The following PDSS2 variants were observed in gnomAD, a reference collection of about 807,000 sequenced individuals.
PDSS2 encodes the protein decaprenyl diphosphate synthase subunit 2.
PDSS2 carries 31 observed loss-of-function variants against 44.5 expected under a neutral mutation model. The observed-to-expected ratio is 0.70, with a 90% CI of 0.52 to 0.94. The LOEUF is 0.94. Ranked by LOEUF, PDSS2 falls within the 40% of genes least tolerant of loss-of-function variation. The probability of loss-of-function intolerance (pLI) is 0.00; values close to 1 mark genes in which losing one functional copy is unlikely to be tolerated. For synonymous variants in PDSS2, 157 were observed against 180.3 expected (o/e 0.87, Z 1.03); for missense variants, 452 against 482.2 (o/e 0.94, Z 0.59).
intron 3 of PDSS2, among the ~76,000 whole-genome samples, chr6:107,270,194 C>T (rs1027086283): frequency 1.3e-5 from 2 of 152,066 alleles, no homozygotes; most frequent in Admixed American, 6.5e-5. Context: ...CTGCAACCTC[C>T]ACCACCCAGG....
intron 2 of PDSS2, among the ~76,000 whole-genome samples, chr6:107,305,490 A>C (rs191043058): frequency 1.3e-5 from 2 of 152,198 alleles, no homozygotes; most frequent in African/African-American, 2.4e-5. Flanking sequence ...TTCATTTTCT[A>C]TCACATGTAG....
intron 7 of PDSS2, among the ~76,000 whole-genome samples, chr6:107,178,906 T>C (rs1185154678): frequency 2.0e-5 from 3 of 152,192 alleles, no homozygotes. Context: ...TCAGCAGACC[T>C]GAGTAGAATC....
chr6:107,203,813 G>A (rs1421823689), intron 6 of PDSS2, among the ~76,000 whole-genome samples: 1 of 151,992 alleles, frequency 6.6e-6, no homozygotes, highest in African/African-American at 2.4e-5. Flanking sequence ...AGTCTCTCCC[G>A]CTTCGCCTCT....
At chr6:107,431,923 G>A (rs1781205621) in intron 1 of PDSS2, among the ~76,000 whole-genome samples, 1 of 152,190 alleles carries the variant, frequency 6.6e-6, no homozygotes, top group African/African-American at 2.4e-5. Flanking sequence ...GGAAATGGCA[G>A]TCTTGGAATT....
chr6:107,257,934 G>A (rs1175093205), intron 3 of PDSS2, among the ~76,000 whole-genome samples: 2 of 151,898 alleles, frequency 1.3e-5, no homozygotes, highest in African/African-American at 4.8e-5. Context: ...GTTTTAAACT[G>A]GTATTTCTCA....
intron 1 of PDSS2, among the ~76,000 whole-genome samples, chr6:107,383,140 T>TA (rs1272796574): frequency 2.0e-5 from 3 of 148,620 alleles, no homozygotes; most frequent in Non-Finnish European, 3.0e-5. Flanking sequence ...CCATCTCTAC[T>TA]AAAAAAAAAT....
rs2115081132 is a variant in PDSS2 at position 107,304,595 on chromosome 6, AAAATGGTGGTAACAATAGCAC to A, written c.431+29582_431+29602del. 2.0e-5 allele frequency among the ~76,000 whole-genome samples: 3 copies of A among 152,332 alleles called. No homozygotes were observed. In the South Asian group the frequency reaches 6.2e-4, roughly 32 times the overall value. On this transcript the variant is annotated intron_variant, in intron 2 of 7. Coordinates refer to ENST00000369037, the MANE Select transcript of PDSS2 (RefSeq NM_020381.4). ...CTCAGTGCCCAGTCGTTTCATCTGT[AAAATGGTGGTAACAATAGCAC>A]ATGTGTCAAAGTGTCATGGGGGTTA...
chr6:107,367,832 T>C (rs1276947071), intron 1 of PDSS2, among the ~76,000 whole-genome samples: 1 of 143,636 alleles, frequency 7.0e-6, no homozygotes, highest in Non-Finnish European at 1.5e-5. Context: ...ATTAAAGACA[T>C]CCAGATAGTA....
chr6:107,325,345 C>T (rs1582943500), intron 2 of PDSS2, among the ~76,000 whole-genome samples: 2 of 152,098 alleles, frequency 1.3e-5, no homozygotes, highest in South Asian at 4.2e-4. Context: ...CCTGATAAAT[C>T]CATTTAAAAG....
intron 1 of PDSS2, among the ~76,000 whole-genome samples, chr6:107,349,432 CA>C (rs55731461): frequency 1.3e-4 from 18 of 141,246 alleles, no homozygotes; most frequent in Middle Eastern, 4.2e-3. Flanking sequence ...GACTCCATCT[CA>C]AAAAAAAAAA....
intron 7 of PDSS2, among the ~76,000 whole-genome samples, chr6:107,170,188 C>G (rs1469964091): frequency 6.6e-6 from 1 of 152,166 alleles, no homozygotes; most frequent in Non-Finnish European, 1.5e-5. Flanking sequence ...GGGCGCCCCT[C>G]CACCAGCCTT....
chr6:107,386,278 C>A (rs1779607284), intron 1 of PDSS2, among the ~76,000 whole-genome samples: 1 of 150,286 alleles, frequency 6.7e-6, no homozygotes, highest in East Asian at 1.9e-4. Context: ...AAGATTTGTA[C>A]AATGAGGAAC....
At chr6:107,386,406 A>T (rs955619055) in intron 1 of PDSS2, among the ~76,000 whole-genome samples, 6 of 152,044 alleles carry the variant, frequency 3.9e-5, no homozygotes, top group Admixed American at 1.3e-4. Flanking sequence ...AAAATTGACA[A>T]TTGGATCCTA....
chr6:107,272,731 C>T (rs1775644251), intron 3 of PDSS2, among the ~76,000 whole-genome samples: 1 of 151,864 alleles, frequency 6.6e-6, no homozygotes, highest in Admixed American at 6.6e-5. Context: ...TGCCTTAATC[C>T]CAGCACTTTG....
At chr6:107,418,829 T>C (rs981466911) in intron 1 of PDSS2, among the ~76,000 whole-genome samples, 15 of 152,168 alleles carry the variant, frequency 9.9e-5, no homozygotes, top group African/African-American at 3.6e-4. Context: ...TTTTAGCCAC[T>C]AGCTTCGTGA....
rs747612959 is a variant in PDSS2 at position 107,201,390 on chromosome 6, C to CAAAAAAAAAAAAAAAAAAAAAAA, written c.1009-7559_1009-7537dup. On this transcript the variant is annotated intron_variant, in intron 6 of 7. Coordinates refer to ENST00000369037, the MANE Select transcript of PDSS2 (RefSeq NM_020381.4). ...TGTAAAACAATATTCCATACAAAAG[C>CAAAAAAAAAAAAAAAAAAAAAAA]AAAAAAAAAAAAAAAAAAAAAAAAG... Among the ~76,000 whole-genome samples the CAAAAAAAAAAAAAAAAAAAAAAA allele has an allele frequency of 3.8e-5, 2 of 52,150 alleles. 1 individual carries two copies. Among genetic ancestry groups the CAAAAAAAAAAAAAAAAAAAAAAA allele is most frequent in the African/African-American group, 2.0e-4 (2 of 10,250 alleles). 34.2% of individuals were successfully genotyped at this position (52,150 alleles called of 152,430 possible).
intron 1 of PDSS2, among the ~76,000 whole-genome samples, chr6:107,388,016 T>G (rs1779663085): frequency 6.6e-6 from 1 of 152,330 alleles, no homozygotes; most frequent in South Asian, 2.1e-4. Context: ...ATTATCTATT[T>G]CCTTAGACTA....
chr6:107,396,094 T>G (rs946232423), intron 1 of PDSS2, among the ~76,000 whole-genome samples: 1 of 152,234 alleles, frequency 6.6e-6, no homozygotes, highest in Non-Finnish European at 1.5e-5. Context: ...TGGTCCTGTA[T>G]GTTCTCTGGG....
chr6:107,329,061 G>C (rs548300700), intron 2 of PDSS2, among the ~76,000 whole-genome samples: 1 of 152,284 alleles, frequency 6.6e-6, no homozygotes, highest in Admixed American at 6.5e-5. Flanking sequence ...TTCCCTGGCT[G>C]ACTCTCTATC....
Sources: allele counts gnomAD v4.1 joint callset (sites outside exome capture counted in the v4.1 genomes callset), GRCh38; gene constraint gnomAD v4.1.1; transcripts MANE v1.5; gene names NCBI Gene and HGNC (gene_info 2026-07-23, HGNC 2026-07-21).